Variants in UNC13C observed in about 807,000 individuals in gnomAD.
The protein encoded by UNC13C is unc-13 homolog C, also known as protein unc-13 homolog C.
A neutral mutation model predicts 245.4 loss-of-function variants in UNC13C; 174 were observed. That is an observed-to-expected ratio of 0.71 (90% CI 0.63 to 0.80). UNC13C has a LOEUF of 0.80. Among genes scored for constraint, UNC13C ranks in the 30% least tolerant of loss-of-function variants. UNC13C has a pLI of 0.00. For missense variants in UNC13C, 2,829 were observed against 2,602.9 expected (o/e 1.09, Z -1.89); for synonymous variants, 992 against 895.1 (o/e 1.11, Z -1.93).
Position 54,338,457 on chromosome 15 carries a change from T to C in UNC13C, c.4681T>C (p.Cys1561Arg). ...DSTYKYIFDN[C>R]HELYSQLTDP... Reference sequence around the variant, plus strand: ...TACATACAAGTATATTTTTGACAACTGCCATGAACTCTACTCCCAGCTAAC... The same window carrying C: ...TACATACAAGTATATTTTTGACAACCGCCATGAACTCTACTCCCAGCTAAC... Residue 1561 changes from cysteine (C) to arginine (R), a missense_variant, in exon 17 of 33, where the codon TGC becomes CGC. Transcript: ENST00000260323. 4 of 1,613,680 alleles carry C rather than the reference T, an allele frequency of 2.5e-6. No homozygotes were observed. Among genetic ancestry groups the C allele is most frequent in the Non-Finnish European group, 3.4e-6 (4 of 1,179,626 alleles).
intron 2 of UNC13C, among the ~76,000 whole-genome samples, chr15:54,071,055 T>G (rs1302269328): frequency 6.6e-6 from 1 of 152,116 alleles, no homozygotes; most frequent in Non-Finnish European, 1.5e-5. Context: ...TATGAAAGAG[T>G]CTAGCAGAGT....
At chr15:54,293,816 A>G in intron 10 of UNC13C, 79 bp from the exon 11 acceptor site, 1 of 1,210,614 alleles carries the variant, frequency 8.3e-7, no homozygotes, top group South Asian at 2.0e-5. Context: ...TCTAGAATAG[A>G]TAGAAAATAA....
chr15:54,117,096 A>G (rs1017206638), intron 2 of UNC13C, among the ~76,000 whole-genome samples: 2 of 151,810 alleles, frequency 1.3e-5, no homozygotes, highest in African/African-American at 4.8e-5. Context: ...TATTTTGCCC[A>G]TTTTTGCTTC....
At chr15:54,166,207 C>A (rs1049883752) in intron 4 of UNC13C, among the ~76,000 whole-genome samples, 2 of 151,886 alleles carry the variant, frequency 1.3e-5, no homozygotes, top group African/African-American at 2.4e-5. Context: ...TTAGATAATG[C>A]TTACAAAACT....
chr15:54,396,786 A>G, intron 18 of UNC13C, among the ~76,000 whole-genome samples: 2 of 151,350 alleles, frequency 1.3e-5, no homozygotes, highest in East Asian at 3.9e-4. Flanking sequence ...GATACTGACC[A>G]TATTTTTATC....
chr15:54,272,599 G>A (rs2036715206), intron 10 of UNC13C, among the ~76,000 whole-genome samples: 1 of 152,006 alleles, frequency 6.6e-6, no homozygotes. Flanking sequence ...CACTTTATGG[G>A]ATTAGAATTT....
intron 13 of UNC13C, among the ~76,000 whole-genome samples, chr15:54,304,653 T>TAAAAA (rs55692010): frequency 2.9e-4 from 36 of 123,310 alleles, no homozygotes; most frequent in Middle Eastern, 4.3e-3. Context: ...GAGATGTAAC[T>TAAAAA]AAAAAAAAAA....
At chr15:54,299,361 C>A (rs564864636) in intron 12 of UNC13C, among the ~76,000 whole-genome samples, 1 of 152,086 alleles carries the variant, frequency 6.6e-6, no homozygotes, top group Non-Finnish European at 1.5e-5. Context: ...TTTTCAACCT[C>A]GATTCATTGC....
chr15:54,614,362 T>C (rs1900291564), intron 30 of UNC13C, among the ~76,000 whole-genome samples: 1 of 151,950 alleles, frequency 6.6e-6, no homozygotes, highest in African/African-American at 2.4e-5. Flanking sequence ...TTTTCGACTC[T>C]ATAGGCATCT....
At chr15:54,090,218 C>T (rs567061700) in intron 2 of UNC13C, among the ~76,000 whole-genome samples, 1 of 151,868 alleles carries the variant, frequency 6.6e-6, no homozygotes, top group East Asian at 1.9e-4. Context: ...TCTTTGGGTC[C>T]TTTTAGACTC....
chr15:54,321,070 C>T (rs1224965315), intron 13 of UNC13C: 2 of 483,300 alleles, frequency 4.1e-6, no homozygotes, highest in Non-Finnish European at 8.1e-6. Flanking sequence ...GCCTCCATGG[C>T]CACCACCAAA....
chr15:54,071,877 A>T (rs1898345489), intron 2 of UNC13C, among the ~76,000 whole-genome samples: 2 of 152,072 alleles, frequency 1.3e-5, no homozygotes, highest in African/African-American at 4.8e-5. Flanking sequence ...AAGATTCCTG[A>T]CCCCTGGCCT....
chr15:54,133,406 G>A (rs916601499), intron 2 of UNC13C, among the ~76,000 whole-genome samples: 3 of 152,208 alleles, frequency 2.0e-5, no homozygotes, highest in South Asian at 2.1e-4. Context: ...AGTGCTGTTC[G>A]CCGAGTAAAT....
At chr15:54,118,971 A>T (rs2030473417) in intron 2 of UNC13C, among the ~76,000 whole-genome samples, 1 of 148,644 alleles carries the variant, frequency 6.7e-6, no homozygotes, top group Admixed American at 6.7e-5. Flanking sequence ...GAACCATACT[A>T]CTTGCATCCT....
chr15:54,143,215 G>T (rs1458557726), intron 3 of UNC13C, among the ~76,000 whole-genome samples, 175 bp downstream of exon 3: 1 of 152,108 alleles, frequency 6.6e-6, no homozygotes, highest in Non-Finnish European at 1.5e-5. Context: ...TGCACTTATG[G>T]AGAGGTCACA....
At chr15:54,383,015 AC>A (rs2039760790) in intron 17 of UNC13C, among the ~76,000 whole-genome samples, 1 of 152,176 alleles carries the variant, frequency 6.6e-6, no homozygotes, top group Non-Finnish European at 1.5e-5. Flanking sequence ...GGAAATCTAA[AC>A]AGGCCAATAA....
intron 23 of UNC13C, among the ~76,000 whole-genome samples, chr15:54,508,756 T>A (rs1210957770): frequency 6.6e-6 from 1 of 152,196 alleles, no homozygotes; most frequent in East Asian, 1.9e-4. Flanking sequence ...TAGTTACTAT[T>A]ACAGATACTT....
At chr15:54,334,702 T>C (rs72732706) in intron 16 of UNC13C, among the ~76,000 whole-genome samples, 38,300 of 152,020 alleles carry the variant, frequency 0.25, 5,253 homozygotes, top group Admixed American at 0.34. Flanking sequence ...ACTAGGTGAT[T>C]AGGATAAATA....
chr15:53,879,931 T>G, the UNC13C span, among the ~76,000 whole-genome samples: 2 of 151,266 alleles, frequency 1.3e-5, no homozygotes, highest in Non-Finnish European at 2.9e-5. Context: ...GGAAAAAAAT[T>G]TATCATGCTG....
Sources: gnomAD v4.1 joint callset for allele counts (sites outside exome capture counted in the v4.1 genomes callset) on GRCh38, gnomAD v4.1.1 for gene constraint, MANE v1.5 for transcripts, NCBI Gene and HGNC (gene_info 2026-07-23, HGNC 2026-07-21) for gene names.